RASA3: variants seen among roughly 807,000 people sequenced by gnomAD.
The protein encoded by RASA3 is RAS p21 protein activator 3.
A neutral mutation model predicts 110.0 loss-of-function variants in RASA3; 73 were observed. The ratio of observed to expected loss-of-function variants is 0.66; its 90% CI spans 0.55 to 0.81. The LOEUF (loss-of-function observed/expected upper bound fraction) is 0.81. Ranked by LOEUF, RASA3 falls within the 30% of genes least tolerant of loss-of-function variation. RASA3 has a pLI of 0.00. For missense variants in RASA3, 976 were observed against 1,113.2 expected (o/e 0.88, Z 1.75); for synonymous variants, 500 against 451.4 (o/e 1.11, Z -1.37).
chr13:114,117,018 TGAGGGGTGCACGTGTGA>T (rs2080289643), intron 1 of RASA3, among the ~76,000 whole-genome samples: 4 of 117,400 alleles, frequency 3.4e-5, no homozygotes, highest in South Asian at 2.9e-4. Context: ...TGCACGTGTG[TGAGGGGTGCACGTGTGA>T]GAGGGGTGCA....
At chr13:114,049,234 C>T (rs1166855226) in intron 3 of RASA3, among the ~76,000 whole-genome samples, 1 of 152,164 alleles carries the variant, frequency 6.6e-6, no homozygotes, top group Non-Finnish European at 1.5e-5. Context: ...CCACCGCGCA[C>T]TTCCACCCAG....
intron 1 of RASA3, among the ~76,000 whole-genome samples, chr13:114,093,795 GCTCA>G (rs1312922303): frequency 6.6e-6 from 1 of 150,740 alleles, no homozygotes; most frequent in African/African-American, 2.4e-5. Context: ...CTGTCTTTGA[GCTCA>G]CTGATTCCTC....
At chr13:113,995,746 G>GA (rs1235458107) in intron 21 of RASA3, among the ~76,000 whole-genome samples, 1 of 69,144 alleles carries the variant, frequency 1.4e-5, no homozygotes, top group Admixed American at 1.2e-4. Context: ...GCTGACGGGG[G>GA]CCCGGCTGAC....
chr13:114,103,563 C>T (rs1223021360), intron 1 of RASA3, among the ~76,000 whole-genome samples: 75 of 99,414 alleles, frequency 7.5e-4, no homozygotes, highest in East Asian at 1.5e-3. Context: ...CACCCACCCC[C>T]GATGCGTCCA....
intron 1 of RASA3, among the ~76,000 whole-genome samples, chr13:114,089,474 G>C (rs1465187055): frequency 6.6e-6 from 1 of 152,002 alleles, no homozygotes; most frequent in East Asian, 2.0e-4. Flanking sequence ...AGAGGACCAA[G>C]CAGAAGGTGC....
Position 114,057,294 on chromosome 13 carries a change from C to T in RASA3, c.174-5139G>A, listed in dbSNP as rs540920692. The T allele has an allele frequency of 6.1e-6, 6 of 985,438 alleles. No individual in the cohort carries two copies. Among genetic ancestry groups the T allele is most frequent in the South Asian group, 4.7e-5 (1 of 21,286 alleles). The allele number at this position is 985,438 out of a possible 1,614,324, so 61.0% of individuals were successfully genotyped here. ...ACCAGGCAGGACATCTGCAGGCGGC[C>T]GGCCAGCCTTATCAACGGAGCTCTG... On this transcript the variant is annotated intron_variant, in intron 2 of 23. Coordinates refer to ENST00000334062, the MANE Select transcript of RASA3 (RefSeq NM_007368.4). This position sits in a 1 kb window ranked among gnomAD's most constrained non-coding sequence, Gnocchi z 5.0.
chr13:114,049,774 G>C (rs980433968), intron 3 of RASA3, among the ~76,000 whole-genome samples: 1 of 152,280 alleles, frequency 6.6e-6, no homozygotes, highest in South Asian at 2.1e-4. Context: ...GCCCCTGGCA[G>C]GGGCTGAGAA....
At chr13:114,026,297 C>A (rs1196534672) in intron 7 of RASA3, among the ~76,000 whole-genome samples, 3 of 152,226 alleles carry the variant, frequency 2.0e-5, no homozygotes, top group Admixed American at 2.0e-4. Context: ...GGAACTCGGT[C>A]CATGCTGCAT....
rs35880541 is a variant in RASA3, at chr13:114,121,248, C to T, written c.55+11187G>A. On this transcript the variant is annotated intron_variant, in intron 1 of 23. Transcript: ENST00000334062. ...CGCGGGGCATTCGGACCCCCGTGCCCCAAACACATCCCGCCGAGCCTCCTG... is the reference window on the plus strand; with the variant it reads ...CGCGGGGCATTCGGACCCCCGTGCCTCAAACACATCCCGCCGAGCCTCCTG... Among the ~76,000 whole-genome samples the T allele has an allele frequency of 2.5e-3, 380 of 152,330 alleles. 2 individuals are homozygous for T. Among genetic ancestry groups the T allele is most frequent in the Non-Finnish European group, 2.9e-3 (200 of 68,026 alleles).
chr13:114,123,596 C>A (rs1423505767), intron 1 of RASA3, among the ~76,000 whole-genome samples: 1 of 152,222 alleles, frequency 6.6e-6, no homozygotes, highest in African/African-American at 2.4e-5. Flanking sequence ...GAAGACACAA[C>A]AACAATCACC....
intron 10 of RASA3, 131 bp downstream of exon 10, chr13:114,018,632 C>A (rs1286445779): frequency 8.4e-7 from 1 of 1,192,630 alleles, no homozygotes; most frequent in East Asian, 2.6e-5. Flanking sequence ...GGGAAACAGG[C>A]CAGGCTGGGA....
intron 7 of RASA3, among the ~76,000 whole-genome samples, chr13:114,025,419 C>T (rs1054675053): frequency 3.3e-5 from 5 of 152,090 alleles, no homozygotes; most frequent in Non-Finnish European, 5.9e-5. Flanking sequence ...CCAGGAAGCC[C>T]CCAGTGCCCC....
At chr13:113,991,142 ATCAGGCGTGGCCAAGCTCACAG>A (rs1271827495) in intron 22 of RASA3, among the ~76,000 whole-genome samples, 2 of 102,316 alleles carry the variant, frequency 2.0e-5, no homozygotes, top group African/African-American at 4.8e-5. Context: ...GGGGCTGGAG[ATCAGGCGTGGCCAAGCTCACAG>A]ATGGGCAGCT....
rs2053750003 is a variant in RASA3 at position 114,014,697 on chromosome 13, G to A, written c.1405+512C>T. On this transcript the variant is annotated intron_variant, in intron 14 of 23. Coordinates refer to ENST00000334062, the MANE Select transcript of RASA3 (RefSeq NM_007368.4). This position sits in a 1 kb window ranked among gnomAD's most constrained non-coding sequence, Gnocchi z 4.5. The stretch of plus-strand genomic sequence containing the variant: ...CAGGTCCCTAGGGGATCTCCGGCTT[G>A]GGGGTTTGAAGAAAGGGCAGCTCCC... Among the ~76,000 whole-genome samples the A allele has an allele frequency of 2.6e-5, 4 of 152,242 alleles. No individual in the cohort carries two copies. Among genetic ancestry groups the A allele is most frequent in the Admixed American group, 2.0e-4 (3 of 15,302 alleles).
At chr13:114,072,663 T>G (rs1166480835) in intron 2 of RASA3, among the ~76,000 whole-genome samples, 1 of 152,138 alleles carries the variant, frequency 6.6e-6, no homozygotes, top group East Asian at 1.9e-4. Context: ...GCGGGAGCAT[T>G]TAGCCAACAC....
intron 16 of RASA3, among the ~76,000 whole-genome samples, chr13:114,010,965 G>A (rs2053625960): frequency 6.6e-6 from 1 of 151,910 alleles, no homozygotes; most frequent in Non-Finnish European, 1.5e-5. Context: ...TCCCGAAAAA[G>A]GCAAGGGGTT....
chr13:114,052,922 C>A (rs1419033876), intron 2 of RASA3, among the ~76,000 whole-genome samples: 1 of 129,242 alleles, frequency 7.7e-6, no homozygotes, highest in African/African-American at 2.9e-5. Flanking sequence ...GAGAGACCCC[C>A]GCTGCTGACT....
rs751016591 is a variant in RASA3, at chr13:114,016,279, G to A, written c.1207-8C>T. On this transcript the variant is annotated splice_polypyrimidine_tract_variant and splice_region_variant and intron_variant, in intron 12 of 23. Transcript: ENST00000334062. The stretch of plus-strand genomic sequence containing the variant: ...TTTGTGGCTCTGGCATATCTGGGGA[G>A]AGGTTTAAGACAGGGCTCTGTGAGT... The A allele has an allele frequency of 3.5e-5, 55 of 1,573,398 alleles. 1 individual carries two copies. In the South Asian group the frequency reaches 4.5e-4, roughly 13 times the overall value.
intron 4 of RASA3, among the ~76,000 whole-genome samples, chr13:114,037,131 G>T (rs982559795): frequency 1.5e-4 from 23 of 152,200 alleles, no homozygotes; most frequent in African/African-American, 5.3e-4. Context: ...GCAGCCTCGG[G>T]CGTTAATTAT....
Sources: allele counts gnomAD v4.1 joint callset (sites outside exome capture counted in the v4.1 genomes callset), GRCh38; gene constraint gnomAD v4.1.1; non-coding constraint Gnocchi (gnomAD v3.1); transcripts MANE v1.5; gene names NCBI Gene and HGNC (gene_info 2026-07-23, HGNC 2026-07-21).